The following ADCY2 variants were observed in gnomAD, a reference collection of about 807,000 sequenced individuals.
ADCY2 encodes the protein adenylate cyclase type 2.
A neutral mutation model predicts 125.2 loss-of-function variants in ADCY2; 31 were observed. The observed-to-expected ratio is 0.25, with a 90% CI of 0.19 to 0.33. The LOEUF (loss-of-function observed/expected upper bound fraction) is 0.33. ADCY2 is among the 10% of genes least tolerant of loss of function. The pLI is 1.00. For missense variants in ADCY2, 904 were observed against 1,418.2 expected (o/e 0.64, Z 5.82); for synonymous variants, 512 against 548.4 (o/e 0.93, Z 0.93).
intron 3 of ADCY2, among the ~76,000 whole-genome samples, chr5:7,564,624 G>A (rs888275019): frequency 6.6e-6 from 1 of 151,980 alleles, no homozygotes; most frequent in Non-Finnish European, 1.5e-5. Flanking sequence ...AACTCAAATC[G>A]CTCTCTGCTC....
intron 16 of ADCY2, among the ~76,000 whole-genome samples, chr5:7,763,276 A>G (rs987531394): frequency 2.0e-5 from 3 of 151,054 alleles, no homozygotes; most frequent in African/African-American, 7.3e-5. Context: ...ATTTTTTAGT[A>G]GAGACGGGGT....
At chr5:7,792,981 G>A (rs1244917143) in intron 20 of ADCY2, among the ~76,000 whole-genome samples, 1 of 152,206 alleles carries the variant, frequency 6.6e-6, no homozygotes, top group Non-Finnish European at 1.5e-5. Flanking sequence ...ACGCATGAGA[G>A]GGAAGACAGC....
chr5:7,652,954 AAAG>A (rs1169720894), intron 4 of ADCY2, among the ~76,000 whole-genome samples: 1 of 152,236 alleles, frequency 6.6e-6, no homozygotes, highest in African/African-American at 2.4e-5. Flanking sequence ...AAAAGGAAAA[AAAG>A]AAAAAAGAGG....
At chr5:7,495,907 T>G (rs1322821500) in intron 2 of ADCY2, among the ~76,000 whole-genome samples, 1 of 152,218 alleles carries the variant, frequency 6.6e-6, no homozygotes, top group African/African-American at 2.4e-5. Flanking sequence ...TGACTGAATT[T>G]ATAAAAATAA....
chr5:7,422,342 G>A (rs1049755780), intron 2 of ADCY2, among the ~76,000 whole-genome samples: 1 of 151,964 alleles, frequency 6.6e-6, no homozygotes, highest in Non-Finnish European at 1.5e-5. Context: ...TGCCCAGCCT[G>A]TTTAATGATT....
chr5:7,738,977 T>C (rs1382744886), intron 14 of ADCY2, among the ~76,000 whole-genome samples: 1 of 151,918 alleles, frequency 6.6e-6, no homozygotes, highest in Non-Finnish European at 1.5e-5. Context: ...GAATTAGATA[T>C]TTAGTATCTC....
intron 2 of ADCY2, among the ~76,000 whole-genome samples, chr5:7,457,136 T>C (rs921260396): frequency 6.6e-5 from 10 of 152,180 alleles, no homozygotes; most frequent in Non-Finnish European, 1.3e-4. Context: ...AATGTTGAAA[T>C]TTTTTACAGA....
At chr5:7,776,999 G>C (rs1411078406) in intron 18 of ADCY2, among the ~76,000 whole-genome samples, 1 of 151,924 alleles carries the variant, frequency 6.6e-6, no homozygotes, top group African/African-American at 2.4e-5. Context: ...CAGACGGCCT[G>C]TCATGGGGCT....
At chr5:7,520,613 A>G (rs1237081700) in intron 2 of ADCY2, 125 bp from the exon 3 acceptor site, 14 of 1,030,294 alleles carry the variant, frequency 1.4e-5, no homozygotes, top group African/African-American at 3.2e-5. Context: ...TATTTTGTCT[A>G]TAGATTATTT....
chr5:7,528,764 C>T (rs1734551944), intron 3 of ADCY2, among the ~76,000 whole-genome samples: 1 of 152,178 alleles, frequency 6.6e-6, no homozygotes, highest in African/African-American at 2.4e-5. Flanking sequence ...CTCTTAATTT[C>T]CCCAATCCGT....
chr5:7,585,503 T>A (rs1736601215), intron 3 of ADCY2, among the ~76,000 whole-genome samples: 1 of 152,212 alleles, frequency 6.6e-6, no homozygotes, highest in Non-Finnish European at 1.5e-5. Context: ...TCCTGGAATA[T>A]CATCAACTGG....
intron 2 of ADCY2, among the ~76,000 whole-genome samples, chr5:7,459,854 G>A (rs1379385393): frequency 2.3e-5 from 3 of 132,690 alleles, no homozygotes; most frequent in Admixed American, 8.9e-5. Flanking sequence ...TGGCGCGATC[G>A]CGGCTCACTG....
intron 19 of ADCY2, among the ~76,000 whole-genome samples, chr5:7,788,302 C>A (rs1257412074): frequency 1.3e-5 from 2 of 152,146 alleles, no homozygotes; most frequent in East Asian, 3.9e-4. Flanking sequence ...GCTTCAGCCT[C>A]TTGAGTAACT....
At chr5:7,768,036 GAAA>G (rs11388337) in intron 17 of ADCY2, among the ~76,000 whole-genome samples, 1 of 147,058 alleles carries the variant, frequency 6.8e-6, no homozygotes, top group Non-Finnish European at 1.5e-5. Context: ...GTCTCAAAAA[GAAA>G]AAAAAAAAGA....
intron 4 of ADCY2, among the ~76,000 whole-genome samples, chr5:7,675,960 A>G (rs1740113984): frequency 6.6e-6 from 1 of 152,238 alleles, no homozygotes; most frequent in Admixed American, 6.5e-5. Context: ...TAGCTACAGG[A>G]GAACATTTGT....
intron 2 of ADCY2, among the ~76,000 whole-genome samples, chr5:7,436,451 C>T (rs942266119): frequency 3.3e-5 from 5 of 152,166 alleles, no homozygotes; most frequent in African/African-American, 1.2e-4. Context: ...GCCTTGGCTT[C>T]GATGTCTCTG....
intron 15 of ADCY2, among the ~76,000 whole-genome samples, chr5:7,756,755 A>G (rs187819479): frequency 2.6e-5 from 4 of 152,354 alleles, no homozygotes; most frequent in Admixed American, 2.0e-4. Context: ...GAGATGTTAC[A>G]CAACAATGTG....
intron 4 of ADCY2, among the ~76,000 whole-genome samples, chr5:7,627,697 C>G (rs1041711867): frequency 6.6e-6 from 1 of 152,132 alleles, no homozygotes; most frequent in Admixed American, 6.5e-5. Context: ...AAAGTATATC[C>G]TTTAAATTTT....
intron 18 of ADCY2, among the ~76,000 whole-genome samples, chr5:7,775,237 A>C (rs372490228): frequency 6.6e-6 from 1 of 151,992 alleles, no homozygotes; most frequent in Non-Finnish European, 1.5e-5. Context: ...ATACATATAC[A>C]TATACATACA....
Sources: gnomAD v4.1 joint callset for allele counts (sites outside exome capture counted in the v4.1 genomes callset) on GRCh38, gnomAD v4.1.1 for gene constraint, MANE v1.5 for transcripts, NCBI Gene and HGNC (gene_info 2026-07-23, HGNC 2026-07-21) for gene names.